Variants in DENND1A observed in about 807,000 individuals in gnomAD.
The protein encoded by DENND1A is DENN domain containing 1A.
A neutral mutation model predicts 113.7 loss-of-function variants in DENND1A; 51 were observed. That is an observed-to-expected ratio of 0.45 (90% CI 0.36 to 0.57). DENND1A has a LOEUF of 0.57. Ranked by LOEUF, DENND1A falls within the 20% of genes least tolerant of loss-of-function variation. The pLI, the probability that DENND1A is intolerant of heterozygous loss-of-function variation, is 0.00. For missense variants in DENND1A, 1,258 were observed against 1,395.9 expected, an observed-to-expected ratio of 0.90 and a Z score of 1.57; for synonymous variants, 565 against 570.8, an observed-to-expected ratio of 0.99 and a Z score of 0.14.
intron 9 of DENND1A, among the ~76,000 whole-genome samples, chr9:123,644,265 G>T (rs564055991): frequency 6.6e-6 from 1 of 151,950 alleles, no homozygotes; most frequent in Non-Finnish European, 1.5e-5. Flanking sequence ...TTAAAAGGGT[G>T]GGGGAGAACG....
intron 19 of DENND1A, among the ~76,000 whole-genome samples, chr9:123,434,787 C>A (rs569404361): frequency 2.0e-5 from 3 of 152,016 alleles, no homozygotes; most frequent in African/African-American, 4.8e-5. Context: ...AGGCTGGGAG[C>A]GGGGGTGAGG....
intron 5 of DENND1A, among the ~76,000 whole-genome samples, chr9:123,711,782 A>G (rs544097966): frequency 6.3e-4 from 95 of 151,986 alleles, no homozygotes; most frequent in African/African-American, 2.3e-3. Flanking sequence ...ACTAATTAAG[A>G]CTTCCCAAAT....
intron 22 of DENND1A, among the ~76,000 whole-genome samples, chr9:123,386,768 AC>A (rs1350735682): frequency 6.6e-6 from 1 of 151,948 alleles, no homozygotes; most frequent in Non-Finnish European, 1.5e-5. Context: ...AAGGATCAGG[AC>A]CCTCTGACCC....
At chr9:123,725,986 C>T (rs1038274512) in intron 5 of DENND1A, among the ~76,000 whole-genome samples, 4 of 152,312 alleles carry the variant, frequency 2.6e-5, no homozygotes, top group South Asian at 4.1e-4. Context: ...TTTCTACTCA[C>T]GACTTAAACC....
chr9:123,445,170 T>A (rs1291477766), intron 18 of DENND1A, among the ~76,000 whole-genome samples: 2 of 152,014 alleles, frequency 1.3e-5, no homozygotes, highest in Admixed American at 6.6e-5. Context: ...TGAGTCTCCA[T>A]GAGAAATCGG....
intron 2 of DENND1A, among the ~76,000 whole-genome samples, chr9:123,851,021 A>G (rs1843263833): frequency 6.6e-6 from 1 of 152,154 alleles, no homozygotes; most frequent in Non-Finnish European, 1.5e-5. Context: ...CTTTCAAGAG[A>G]CACGTCTTCA....
chr9:123,730,179 A>T (rs1284409856), intron 5 of DENND1A, among the ~76,000 whole-genome samples: 1 of 152,264 alleles, frequency 6.6e-6, no homozygotes, highest in Non-Finnish European at 1.5e-5. Flanking sequence ...AGACAATACC[A>T]TTCAGGACAT....
intron 13 of DENND1A, among the ~76,000 whole-genome samples, chr9:123,461,444 T>C (rs1374511198): frequency 4.6e-5 from 7 of 152,098 alleles, no homozygotes. Flanking sequence ...TCTCTGACAC[T>C]GTTTGGCCTG....
chr9:123,909,199 G>T (rs1316785484), intron 1 of DENND1A, among the ~76,000 whole-genome samples: 2 of 152,202 alleles, frequency 1.3e-5, no homozygotes, highest in Middle Eastern at 3.4e-3. Flanking sequence ...GGCCTGTGGT[G>T]GGGTGGGGGG....
intron 13 of DENND1A, among the ~76,000 whole-genome samples, chr9:123,497,995 G>C (rs2052099273): frequency 6.6e-6 from 1 of 152,190 alleles, no homozygotes; most frequent in African/African-American, 2.4e-5. Context: ...TTAAGAATGT[G>C]TGTGGAGATG....
At chr9:123,921,436 G>C (rs575137990) in intron 1 of DENND1A, among the ~76,000 whole-genome samples, 2 of 152,288 alleles carry the variant, frequency 1.3e-5, no homozygotes, top group African/African-American at 4.8e-5. Flanking sequence ...CGGAGTTCAA[G>C]AACTGCCAGC....
chr9:123,823,861 C>T (rs1030398390), intron 2 of DENND1A, among the ~76,000 whole-genome samples: 10 of 152,016 alleles, frequency 6.6e-5, no homozygotes, highest in African/African-American at 2.4e-4. Context: ...AGAACAATTC[C>T]CAGGTTTCTG....
intron 10 of DENND1A, 100 bp downstream of exon 10, chr9:123,630,276 T>G (rs987207656): frequency 1.8e-6 from 1 of 561,030 alleles, no homozygotes; most frequent in African/African-American, 2.0e-5. Context: ...AGTTAATATT[T>G]TTAATGTAGA....
chr9:123,489,093 T>C (rs533310856), intron 13 of DENND1A, among the ~76,000 whole-genome samples: 45 of 151,214 alleles, frequency 3.0e-4, no homozygotes, highest in African/African-American at 7.8e-4. Context: ...CACACACACA[T>C]CCACACACCT....
intron 5 of DENND1A, among the ~76,000 whole-genome samples, chr9:123,698,005 T>C (rs527472642): frequency 2.0e-5 from 3 of 152,224 alleles, no homozygotes; most frequent in Non-Finnish European, 2.9e-5. Flanking sequence ...ATGCAAAAGA[T>C]AGGCAGACCT....
At chr9:123,790,839 A>G (rs1019259064) in intron 3 of DENND1A, among the ~76,000 whole-genome samples, 3 of 152,160 alleles carry the variant, frequency 2.0e-5, no homozygotes, top group Admixed American at 1.3e-4. Flanking sequence ...ACAAACTTCT[A>G]TGTGTACTCA....
chr9:123,520,167 A>C (rs2054278345), intron 13 of DENND1A, among the ~76,000 whole-genome samples: 1 of 150,632 alleles, frequency 6.6e-6, no homozygotes, highest in Non-Finnish European at 1.5e-5. Context: ...AAAAAAAAAA[A>C]AAAAAAAGGC....
At chr9:123,789,410 G>A (rs562162478) in intron 3 of DENND1A, among the ~76,000 whole-genome samples, 1 of 152,188 alleles carries the variant, frequency 6.6e-6, no homozygotes, top group African/African-American at 2.4e-5. Context: ...GAAATAATGA[G>A]GGGAAAACAT....
intron 3 of DENND1A, among the ~76,000 whole-genome samples, chr9:123,785,514 C>G (rs1225576018): frequency 6.6e-6 from 1 of 152,082 alleles, no homozygotes; most frequent in African/African-American, 2.4e-5. Flanking sequence ...ATCTATGAAC[C>G]TATACTTAGA....
Sources: gnomAD v4.1 joint callset for allele counts (sites outside exome capture counted in the v4.1 genomes callset) on GRCh38, gnomAD v4.1.1 for gene constraint, MANE v1.5 for transcripts, NCBI Gene and HGNC (gene_info 2026-07-23, HGNC 2026-07-21) for gene names.